Variants in PTPRS observed in about 807,000 individuals in gnomAD.
The protein encoded by PTPRS is receptor-type tyrosine-protein phosphatase S.
Under a neutral mutation model 215.3 loss-of-function variants are expected in PTPRS, and 63 were observed. The observed-to-expected ratio is 0.29, with a 90% confidence interval of 0.24 to 0.36. PTPRS has a LOEUF of 0.36. Ranked by LOEUF, PTPRS falls within the 10% of genes least tolerant of loss-of-function variation. PTPRS has a pLI of 1.00. For missense variants in PTPRS, 2,258 were observed against 2,825.8 expected, an observed-to-expected ratio of 0.80 and a Z score of 4.56; for synonymous variants, 1,404 against 1,191.4, an observed-to-expected ratio of 1.18 and a Z score of -3.68.
rs1249911148 is a variant in PTPRS at position 5,237,097 on chromosome 19, T to G, written c.1849+1822A>C. ...TACGAGAGAGGGAACGGCCGAGCGC[T>G]GAGCTACAAGGCCAGACCGAACTCT... On this transcript the variant is annotated intron_variant, in intron 13 of 37. Coordinates refer to ENST00000262963, the MANE Select transcript of PTPRS (RefSeq NM_002850.4). This position sits in a 1 kb window ranked among gnomAD's most constrained non-coding sequence, Gnocchi z 4.2. 6.6e-6 allele frequency among the ~76,000 whole-genome samples: 1 copy of G among 152,206 alleles called. No individual in the cohort carries two copies. The highest frequency in any genetic ancestry group is 1.5e-5 in the Non-Finnish European group (1 of 68,040).
intron 1 of PTPRS, among the ~76,000 whole-genome samples, chr19:5,306,869 T>C (rs1488266149): frequency 6.6e-6 from 1 of 152,176 alleles, no homozygotes; most frequent in African/African-American, 2.4e-5. Context: ...AGTTTATACA[T>C]TCCCTTTAGG....
In PTPRS at chr19:5,324,226, CAAAAAAAAAAAAAAAA is replaced by C. The variant is rs55793961; in HGVS notation, c.-95+16422_-95+16437del. On this transcript the variant is annotated intron_variant, in intron 1 of 37. Transcript: ENST00000262963. The stretch of plus-strand genomic sequence containing the variant: ...TGGGAGACAGAGCGAAACCCTGCCT[CAAAAAAAAAAAAAAAA>C]AAAAAAAAAGAAAGAAAAAAAGGGA... Among the ~76,000 whole-genome samples, 26 of 73,868 alleles carry C rather than the reference CAAAAAAAAAAAAAAAA, an allele frequency of 3.5e-4. 1 individual carries two copies. Among genetic ancestry groups the C allele is most frequent in the Admixed American group, 3.4e-3 (22 of 6,520 alleles). 48.5% of individuals were successfully genotyped at this position (73,868 alleles called of 152,430 possible).
chr19:5,272,266 T>C (rs1207209340), intron 4 of PTPRS, among the ~76,000 whole-genome samples: 1 of 152,114 alleles, frequency 6.6e-6, no homozygotes, highest in African/African-American at 2.4e-5. Context: ...ACAGCATCAC[T>C]CAGACAGCCC....
intron 13 of PTPRS, among the ~76,000 whole-genome samples, chr19:5,233,421 T>G (rs564326015): frequency 2.6e-5 from 4 of 151,436 alleles, no homozygotes; most frequent in African/African-American, 7.3e-5. Flanking sequence ...CTCCATTTAT[T>G]AACTACCTAC....
chr19:5,215,247 C>A (rs199926792), intron 28 of PTPRS, 42 bp downstream of exon 28: 54 of 1,607,726 alleles, frequency 3.4e-5, no homozygotes, highest in Admixed American at 1.2e-4. Flanking sequence ...ACTTTCCATG[C>A]AGTGGGGAAG....
chr19:5,261,592 T>C lies in PTPRS; in HGVS notation c.578-770A>G, dbSNP rs531731118. On this transcript the variant is annotated intron_variant, in intron 6 of 37. Coordinates refer to ENST00000262963, the MANE Select transcript of PTPRS (RefSeq NM_002850.4). ...CCGATAACTTGATAACTCGGCTGGC[T>C]GGGGCCAAGAAGATCCCAAGACCTC... Among the ~76,000 whole-genome samples the C allele has an allele frequency of 5.9e-5, 9 of 152,314 alleles. No individual in the cohort carries two copies. The East Asian group carries it at 1.7e-3, about 29-fold the overall frequency.
At chr19:5,310,717 G>C (rs537902616) in intron 1 of PTPRS, among the ~76,000 whole-genome samples, 82 of 149,334 alleles carry the variant, frequency 5.5e-4, no homozygotes, top group Non-Finnish European at 9.5e-4. Flanking sequence ...TCTTGTTTTT[G>C]TTTTTTGAGG....
rs571523182 is a variant in PTPRS, at chr19:5,303,947, T to C, written c.-94-17713A>G. Among the ~76,000 whole-genome samples, 7 of 53,736 alleles carry C rather than the reference T, an allele frequency of 1.3e-4. No homozygotes were observed. In the South Asian group the frequency reaches 3.0e-3, roughly 23 times the overall value. The allele number at this position is 53,736 out of a possible 152,430, so 35.3% of individuals were successfully genotyped here. A position where few individuals can be genotyped will look rare whatever the true frequency, so the allele number is the denominator to read the frequency against. ...GCCTGGGTGACACAGCGAGACTCTG[T>C]CTCAAAAAATAATAATAACAATAAA... On this transcript the variant is annotated intron_variant, in intron 1 of 37. Coordinates refer to ENST00000262963, the MANE Select transcript of PTPRS (RefSeq NM_002850.4).
rs1239393792 is a variant in PTPRS, at chr19:5,222,987, C to T, written c.2805G>A (p.Leu935=). ...EDTPRGHPQI[L]EAAGNASAGT... ...CGGCCGAGGCGTTGCCGGCCGCCTC[C>T]AGAATCTGCGGGTGGCCACGGGGCG... Residue 935 remains leucine (L), a synonymous_variant, in exon 18 of 38, where the codon CTG becomes CTA. Transcript: ENST00000262963. 6.5e-7 allele frequency: 1 copy of T among 1,541,814 alleles called. No individual in the cohort carries two copies. Among genetic ancestry groups the T allele is most frequent in the Non-Finnish European group, 8.7e-7 (1 of 1,147,200 alleles).
intron 1 of PTPRS, among the ~76,000 whole-genome samples, chr19:5,305,192 A>T (rs1568598966): frequency 6.6e-6 from 1 of 152,224 alleles, no homozygotes; most frequent in Non-Finnish European, 1.5e-5. Flanking sequence ...CAGTGAGCAC[A>T]TCAGCTATTA....
chr19:5,321,022 G>C (rs1333209895), intron 1 of PTPRS, among the ~76,000 whole-genome samples: 1 of 152,172 alleles, frequency 6.6e-6, no homozygotes, highest in Non-Finnish European at 1.5e-5. Flanking sequence ...AGCACTGTGG[G>C]AGGCTGAGGC....
In PTPRS at chr19:5,293,222, C is replaced by G. The variant is rs1358428903; in HGVS notation, c.-94-6988G>C. On this transcript the variant is annotated intron_variant, in intron 1 of 37. Transcript: ENST00000262963. This position sits in a 1 kb window ranked among gnomAD's most constrained non-coding sequence, Gnocchi z 8.4. ...GCCGCTCCCCGCGTCCCTCGGTCCG[C>G]CCGGAGCGCGGCGCGCAGCGAAGAC... 1 of 151,610 alleles carries G rather than the reference C, an allele frequency of 6.6e-6. No homozygotes were observed. Among genetic ancestry groups the G allele is most frequent in the African/African-American group, 2.4e-5 (1 of 41,324 alleles). The allele number at this position is 151,610 out of a possible 1,614,324, so 9.4% of individuals were successfully genotyped here. A position where few individuals can be genotyped will look rare whatever the true frequency, so the allele number is the denominator to read the frequency against.
At chr19:5,260,481 GCATGC>G (rs1179829050) in intron 7 of PTPRS, among the ~76,000 whole-genome samples, 7 of 152,318 alleles carry the variant, frequency 4.6e-5, no homozygotes, top group South Asian at 2.1e-4. Flanking sequence ...CGCCCGGCCT[GCATGC>G]TCATTTTAGA....
At position 5,293,518 on chromosome 19, in the gene PTPRS, C is replaced by T. The variant is rs935287895; in HGVS notation, c.-94-7284G>A. On this transcript the variant is annotated intron_variant, in intron 1 of 37. Coordinates refer to ENST00000262963, the MANE Select transcript of PTPRS (RefSeq NM_002850.4). This position sits in a 1 kb window ranked among gnomAD's most constrained non-coding sequence, Gnocchi z 8.4. ...ACCCAAGACCCCTCCCTCCCGAAGA[C>T]GTCTCACGGGGAGCCTCTACACTGC... 2.6e-5 allele frequency among the ~76,000 whole-genome samples: 4 copies of T among 152,276 alleles called. No homozygotes were observed. Among genetic ancestry groups the T allele is most frequent in the Admixed American group, 1.3e-4 (2 of 15,314 alleles).
chr19:5,215,566 C>G lies in PTPRS; in HGVS notation c.4126G>C (p.Ala1376Pro). The G allele has an allele frequency of 6.2e-7, 1 of 1,609,422 alleles. No homozygotes were observed. Among genetic ancestry groups the G allele is most frequent in the Non-Finnish European group, 8.5e-7 (1 of 1,177,504 alleles). The change falls in exon 27 of 38, where the codon GCA becomes CCA. Residue 1376 changes from alanine to proline, a missense_variant. Ala to Pro is a conservative substitution (Grantham distance 27). Around this residue, in one of 6 missense-constraint regions of PTPRS, gnomAD observed 927 missense variants for 1,125.9 expected, o/e 0.82. Coordinates refer to ENST00000262963, the MANE Select transcript of PTPRS (RefSeq NM_002850.4). ...CGCTCCGTGTGCTCCGCCATGTCTG[C>G]GATGGGAATTGGCGGGTGGCTAAGC... ...SMLSHPPIPIADMAEHTERLK... is the reference protein window; with the variant it reads ...SMLSHPPIPIPDMAEHTERLK...
intron 13 of PTPRS, among the ~76,000 whole-genome samples, chr19:5,234,923 T>C (rs527756908): frequency 2.4e-4 from 37 of 151,718 alleles, no homozygotes; most frequent in African/African-American, 8.5e-4. Flanking sequence ...GGAATGTTAA[T>C]AGTTTTCATT....
At chr19:5,310,032 T>C (rs1342481384) in intron 1 of PTPRS, among the ~76,000 whole-genome samples, 1 of 152,160 alleles carries the variant, frequency 6.6e-6, no homozygotes, top group Non-Finnish European at 1.5e-5. Flanking sequence ...CAACCTGCTC[T>C]GTCCTCTCCC....
chr19:5,274,079 T>C, intron 3 of PTPRS, 120 bp downstream of exon 3: 1 of 1,380,600 alleles, frequency 7.2e-7, no homozygotes, highest in Non-Finnish European at 9.8e-7. Context: ...CCATGCTTGC[T>C]TGGCCACAGA....
chr19:5,276,565 G>GA (rs2047384439), intron 2 of PTPRS, among the ~76,000 whole-genome samples: 1 of 148,082 alleles, frequency 6.8e-6, no homozygotes, highest in Admixed American at 6.8e-5. Context: ...TTTTGAGACA[G>GA]AATCTCACTC....
Sources: allele counts gnomAD v4.1 joint callset (sites outside exome capture counted in the v4.1 genomes callset), GRCh38; gene constraint gnomAD v4.1.1; regional missense constraint gnomAD v4.1.1; non-coding constraint Gnocchi (gnomAD v3.1); transcripts MANE v1.5; gene names NCBI Gene and HGNC (gene_info 2026-07-23, HGNC 2026-07-21).